THEMIS: variants seen among roughly 807,000 people sequenced by gnomAD.
The protein encoded by THEMIS is protein THEMIS.
A neutral mutation model predicts 52.6 loss-of-function variants in THEMIS; 37 were observed. The ratio of observed to expected loss-of-function variants is 0.70; its 90% CI spans 0.54 to 0.93. The LOEUF (loss-of-function observed/expected upper bound fraction) is 0.93. Among genes scored for constraint, THEMIS ranks in the 40% least tolerant of loss-of-function variants. The pLI is 0.00. For synonymous variants in THEMIS, 292 were observed against 272.7 expected (o/e 1.07, Z -0.70); for missense variants, 808 against 763.1 (o/e 1.06, Z -0.69).
At chr6:127,847,378 G>A (rs1209540396) in intron 2 of THEMIS, among the ~76,000 whole-genome samples, 1 of 151,888 alleles carries the variant, frequency 6.6e-6, no homozygotes. Context: ...CGTACATCTA[G>A]AAAAACCTAA....
chr6:127,823,177 C>A (rs1327159029), intron 3 of THEMIS, among the ~76,000 whole-genome samples: 1 of 152,050 alleles, frequency 6.6e-6, no homozygotes, highest in Non-Finnish European at 1.5e-5. Flanking sequence ...CATGATATTT[C>A]TATTAGCAAT....
At chr6:127,843,524 G>A (rs898370240) in intron 2 of THEMIS, among the ~76,000 whole-genome samples, 1 of 151,896 alleles carries the variant, frequency 6.6e-6, no homozygotes, top group African/African-American at 2.4e-5. Flanking sequence ...TCAATAAGTT[G>A]TTGAAAGTAT....
At chr6:127,893,436 A>C (rs1780870537) in intron 1 of THEMIS, among the ~76,000 whole-genome samples, 1 of 152,110 alleles carries the variant, frequency 6.6e-6, no homozygotes, top group African/African-American at 2.4e-5. Flanking sequence ...TTGTGATAAA[A>C]CCTATTTTTT....
At chr6:127,874,619 C>T (rs928171809) in intron 1 of THEMIS, among the ~76,000 whole-genome samples, 3 of 152,118 alleles carry the variant, frequency 2.0e-5, no homozygotes, top group Non-Finnish European at 4.4e-5. Context: ...AGTGGACCCA[C>T]AAAATTCAAA....
chr6:127,873,499 G>T (rs1780218364), intron 1 of THEMIS, among the ~76,000 whole-genome samples: 1 of 152,138 alleles, frequency 6.6e-6, no homozygotes, highest in Non-Finnish European at 1.5e-5. Flanking sequence ...ACAGAAATAA[G>T]CCCATCTGAT....
chr6:127,709,858 T>G lies in THEMIS; in HGVS notation c.*127A>C. ...TAAAAGTTTTAAGGTTGTTCTTTCC[T>G]TTGCAGCGATGAATCAAGTTTCTTC... On this transcript the variant is annotated 3_prime_UTR_variant, in exon 6 of 6. Transcript: ENST00000368248. 1.3e-6 allele frequency: 1 copy of G among 770,670 alleles called. No homozygotes were observed. Among genetic ancestry groups the G allele is most frequent in the Non-Finnish European group, 2.1e-6 (1 of 478,008 alleles). 47.7% of individuals were successfully genotyped at this position (770,670 alleles called of 1,614,324 possible).
intron 1 of THEMIS, among the ~76,000 whole-genome samples, chr6:127,864,820 T>C (rs1239546990): frequency 6.6e-6 from 1 of 152,130 alleles, no homozygotes; most frequent in African/African-American, 2.4e-5. Context: ...TAATGATTGA[T>C]TAGGACTCAT....
At chr6:127,838,841 T>G (rs1778954461) in intron 2 of THEMIS, among the ~76,000 whole-genome samples, 1 of 152,138 alleles carries the variant, frequency 6.6e-6, no homozygotes, top group African/African-American at 2.4e-5. Flanking sequence ...TATAAACAAA[T>G]GCTTAAGTGC....
chr6:127,782,184 G>A (rs1051887075), intron 4 of THEMIS, among the ~76,000 whole-genome samples: 1 of 152,166 alleles, frequency 6.6e-6, no homozygotes, highest in African/African-American at 2.4e-5. Context: ...ACTTTAGACT[G>A]CTGTGCTGGT....
At chr6:127,857,704 C>G (rs1056860516) in intron 1 of THEMIS, among the ~76,000 whole-genome samples, 1 of 152,102 alleles carries the variant, frequency 6.6e-6, no homozygotes, top group Admixed American at 6.6e-5. Context: ...GAATCTTAGA[C>G]CCCAGACCTA....
At chr6:127,768,828 T>G (rs981670222) in intron 4 of THEMIS, among the ~76,000 whole-genome samples, 4 of 152,206 alleles carry the variant, frequency 2.6e-5, no homozygotes, top group African/African-American at 9.6e-5. Flanking sequence ...CTTTTAAATA[T>G]TGGCTTTGCT....
At chr6:127,724,543 T>A (rs987722988) in intron 4 of THEMIS, among the ~76,000 whole-genome samples, 1 of 152,066 alleles carries the variant, frequency 6.6e-6, no homozygotes, top group Non-Finnish European at 1.5e-5. Context: ...ATAGATAAAT[T>A]TGAACTGCCA....
chr6:127,903,622 A>G (rs574177189), upstream of THEMIS, among the ~76,000 whole-genome samples: 4 of 152,002 alleles, frequency 2.6e-5, no homozygotes, highest in East Asian at 7.8e-4. Flanking sequence ...AATGTCTGGA[A>G]AAGGGTAAGA....
intron 4 of THEMIS, among the ~76,000 whole-genome samples, chr6:127,730,321 A>AAGAGAAAAAAAGAAAAG (rs1307352446): frequency 1.5e-4 from 9 of 61,594 alleles, no homozygotes; most frequent in African/African-American, 3.8e-4. Context: ...GAAAAGAGAA[A>AAGAGAAAAAAAGAAAAG]AAAAGAAAAG....
chr6:127,813,266 C>T lies in THEMIS; in HGVS notation c.1375G>A (p.Val459Met), dbSNP rs74497542. The T allele has an allele frequency of 1.6e-4, 263 of 1,614,108 alleles. No individual in the cohort carries two copies. The highest frequency in any genetic ancestry group is 2.1e-4 in the Non-Finnish European group (251 of 1,180,014). ...LCKQFRLPFN[V>M]KVSVRDLSIE... ...GAAAGATCCCTGACAGACACCTTCA[C>T]ATTGAAGGGCAAACGGAACTGTTTA... The change falls in exon 4 of 6, where the codon GTG becomes ATG. Residue 459 changes from valine (V) to methionine (M), a missense_variant. By Grantham distance (21) the Val-to-Met change is conservative (BLOSUM62 1). Coordinates refer to ENST00000368248, the MANE Select transcript of THEMIS (RefSeq NM_001010923.3).
Position 127,710,022 on chromosome 6 carries a change from A to T in THEMIS, c.1895-6T>A, listed in dbSNP as rs755278114. ...TTTTTCATTTTTGAATGTTTCTATAAATAAAAAAAGAAGGGTTTATCAGAA... is the reference window on the plus strand; with the variant it reads ...TTTTTCATTTTTGAATGTTTCTATATATAAAAAAAGAAGGGTTTATCAGAA... On this transcript the variant is annotated splice_polypyrimidine_tract_variant and splice_region_variant and intron_variant, in intron 5 of 5. Transcript: ENST00000368248. 7 of 1,560,288 alleles carry T rather than the reference A, an allele frequency of 4.5e-6. No homozygotes were observed. The East Asian group carries it at 9.1e-5, about 20-fold the overall frequency.
rs944135209 is a variant in THEMIS, at chr6:127,708,565, A to G, written c.*1420T>C. 2 of 152,108 alleles carry G rather than the reference A, an allele frequency of 1.3e-5. No homozygotes were observed. The highest frequency in any genetic ancestry group is 1.5e-5 in the Non-Finnish European group (1 of 67,982). The allele number at this position is 152,108 out of a possible 1,614,324, so 9.4% of individuals were successfully genotyped here. A position where few individuals can be genotyped will look rare whatever the true frequency, so the allele number is the denominator to read the frequency against. ...AGGTTAAGATTCGCTGTGGCCTTCA[A>G]TAACCAAATGTGGGTCTTAGAAAAG... On this transcript the variant is annotated 3_prime_UTR_variant, in exon 6 of 6. Coordinates refer to ENST00000368248, the MANE Select transcript of THEMIS (RefSeq NM_001010923.3).
chr6:127,858,925 C>A (rs1355576807), intron 1 of THEMIS, among the ~76,000 whole-genome samples: 3 of 152,066 alleles, frequency 2.0e-5, no homozygotes, highest in African/African-American at 7.2e-5. Context: ...TTGAAATCAC[C>A]TTTTCTGTAA....
At chr6:127,806,456 C>T (rs1777712228) in intron 4 of THEMIS, among the ~76,000 whole-genome samples, 1 of 152,086 alleles carries the variant, frequency 6.6e-6, no homozygotes, top group African/African-American at 2.4e-5. Context: ...CAGGTGAGAA[C>T]ATTCTCAGTT....
Sources: gnomAD v4.1 joint callset for allele counts (sites outside exome capture counted in the v4.1 genomes callset) on GRCh38, gnomAD v4.1.1 for gene constraint, MANE v1.5 for transcripts, NCBI Gene and HGNC (gene_info 2026-07-23, HGNC 2026-07-21) for gene names.